TENM1: variants seen among roughly 807,000 people sequenced by gnomAD.
TENM1 encodes the protein teneurin-1.
TENM1 carries 35 observed loss-of-function variants against 174.8 expected under a neutral mutation model. The ratio of observed to expected loss-of-function variants is 0.20; its 90% CI spans 0.15 to 0.27. The LOEUF (loss-of-function observed/expected upper bound fraction) is 0.27. Ranked by LOEUF, TENM1 falls within the 10% of genes least tolerant of loss-of-function variation. The probability of loss-of-function intolerance (pLI) is 1.00; values close to 1 mark genes in which losing one functional copy is unlikely to be tolerated. For missense variants in TENM1, 1,633 were observed against 2,130.1 expected (o/e 0.77, Z 4.59); for synonymous variants, 781 against 798.7 (o/e 0.98, Z 0.37).
chrX:124,530,248 T>G (rs1360925310), intron 15 of TENM1, among the ~76,000 whole-genome samples: 1 of 110,470 alleles, frequency 9.1e-6, no homozygotes, highest in Non-Finnish European at 1.9e-5. Flanking sequence ...AGAAATTCCT[T>G]AATATATCAT....
the TENM1 span, among the ~76,000 whole-genome samples, chrX:125,122,189 A>T: frequency 6.2e-5 from 7 of 112,454 alleles, no homozygotes; most frequent in Non-Finnish European, 1.1e-4. Context: ...TTGGGTAAAG[A>T]AACCAATGGC....
intron 22 of TENM1, among the ~76,000 whole-genome samples, chrX:124,460,326 C>T (rs1224872107): frequency 4.5e-5 from 5 of 111,678 alleles, no homozygotes; most frequent in Non-Finnish European, 9.4e-5. Context: ...ATGGAATCAA[C>T]CTAAATGCCC....
intron 1 of TENM1, among the ~76,000 whole-genome samples, chrX:124,902,952 T>A (rs1457565522): frequency 8.9e-6 from 1 of 112,120 alleles, no homozygotes; most frequent in Non-Finnish European, 1.9e-5. Context: ...CCCCTAATGA[T>A]AACAAGGTAA....
intron 3 of TENM1, among the ~76,000 whole-genome samples, chrX:124,778,537 A>G (rs2054836093): frequency 8.9e-6 from 1 of 112,075 alleles, no homozygotes; most frequent in East Asian, 2.8e-4. Flanking sequence ...TGAGGACTGA[A>G]ATAAAATAAT....
chrX:124,908,957 C>T (rs2057793096), intron 1 of TENM1, among the ~76,000 whole-genome samples: 1 of 110,035 alleles, frequency 9.1e-6, no homozygotes, highest in African/African-American at 3.3e-5. Context: ...CTCCCGGGTT[C>T]AAGTGAGTCT....
chrX:124,635,469 C>A (rs2050858237), intron 11 of TENM1, among the ~76,000 whole-genome samples: 1 of 112,321 alleles, frequency 8.9e-6, no homozygotes, highest in East Asian at 2.8e-4. Context: ...AACCTCCAGG[C>A]CTAATGCTTC....
At chrX:124,511,529 C>T (rs1214512548) in intron 18 of TENM1, among the ~76,000 whole-genome samples, 2 of 111,248 alleles carry the variant, frequency 1.8e-5, no homozygotes, top group Non-Finnish European at 3.8e-5. Flanking sequence ...GAGTTTGAAT[C>T]CCTGCTCTGT....
At chrX:124,961,654 G>T (rs2058656133) in intron 1 of TENM1, among the ~76,000 whole-genome samples, 1 of 110,805 alleles carries the variant, frequency 9.0e-6, no homozygotes, top group Non-Finnish European at 1.9e-5. Context: ...AAAAAAAAAA[G>T]TAAAAAGAAT....
chrX:124,915,300 G>A lies in TENM1; in HGVS notation c.218-19059C>T, dbSNP rs189546026. ...AACACTTTGGAAGGCTGAGGCAGGC[G>A]GATCACCTGAGGTTAGGAGTTTGAG... On this transcript the variant is annotated intron_variant, in intron 1 of 31. Transcript: ENST00000422452. Among the ~76,000 whole-genome samples the A allele has an allele frequency of 2.5e-3, 276 of 112,106 alleles. 2 individuals carry two copies. Among genetic ancestry groups the A allele is most frequent in the Non-Finnish European group, 2.4e-3 (130 of 53,215 alleles).
the TENM1 span, among the ~76,000 whole-genome samples, chrX:125,158,376 C>G: frequency 3.4e-5 from 3 of 87,901 alleles, no homozygotes; most frequent in Non-Finnish European, 6.4e-5. Flanking sequence ...GCAGTCCAGC[C>G]TGGTGACAGA....
intron 3 of TENM1, among the ~76,000 whole-genome samples, chrX:124,779,370 T>C (rs1356996543): frequency 8.9e-6 from 1 of 112,026 alleles, no homozygotes; most frequent in Non-Finnish European, 1.9e-5. Context: ...CTTTTTACCA[T>C]ACATTTAATA....
the TENM1 span, among the ~76,000 whole-genome samples, chrX:125,144,828 C>A: frequency 1.8e-5 from 2 of 110,087 alleles, no homozygotes; most frequent in East Asian, 5.7e-4. Context: ...GCCTCCGCCT[C>A]CCGGGTTCAA....
chrX:124,749,024 C>T (rs957880187), intron 3 of TENM1, among the ~76,000 whole-genome samples: 2 of 111,340 alleles, frequency 1.8e-5, no homozygotes, highest in African/African-American at 6.5e-5. Flanking sequence ...GGATAATCTA[C>T]TTGACTCCAA....
chrX:124,721,298 T>A (rs186439358), intron 4 of TENM1, among the ~76,000 whole-genome samples: 6 of 111,612 alleles, frequency 5.4e-5, no homozygotes, highest in Middle Eastern at 4.7e-3. Context: ...CCTAGAACAC[T>A]TTACAATAAC....
At chrX:124,985,517 G>A in the TENM1 span, among the ~76,000 whole-genome samples, 7 of 111,872 alleles carry the variant, frequency 6.3e-5, no homozygotes, top group Non-Finnish European at 1.3e-4. Flanking sequence ...AGGGTATCCT[G>A]ACATCGGAAT....
chrX:124,448,044 C>A (rs1383645949), intron 23 of TENM1, among the ~76,000 whole-genome samples: 2 of 111,819 alleles, frequency 1.8e-5, no homozygotes, highest in African/African-American at 6.5e-5. Flanking sequence ...ACCTGCTTCT[C>A]TTCCTCTTGT....
intron 4 of TENM1, among the ~76,000 whole-genome samples, chrX:124,724,463 G>A (rs1228386275): frequency 8.9e-6 from 1 of 112,034 alleles, no homozygotes; most frequent in Non-Finnish European, 1.9e-5. Flanking sequence ...AAGTTGAAGT[G>A]GGGAGGTTGC....
chrX:125,095,814 T>C, the TENM1 span, among the ~76,000 whole-genome samples: 1 of 111,757 alleles, frequency 8.9e-6, no homozygotes. Context: ...ATTGGTTTTA[T>C]GAAGAGCTGA....
At chrX:124,745,393 T>G (rs1030802215) in intron 3 of TENM1, among the ~76,000 whole-genome samples, 13 of 111,735 alleles carry the variant, frequency 1.2e-4, no homozygotes, top group African/African-American at 4.2e-4. Flanking sequence ...TCACTCATGT[T>G]TTGGCCCTTT....
Sources: allele counts gnomAD v4.1 joint callset (sites outside exome capture counted in the v4.1 genomes callset), GRCh38; gene constraint gnomAD v4.1.1; transcripts MANE v1.5; gene names NCBI Gene and HGNC (gene_info 2026-07-23, HGNC 2026-07-21).